Variants in AGAP1 observed in about 807,000 individuals in gnomAD.
AGAP1 encodes arf-GAP with GTPase, ANK repeat and PH domain-containing protein 1.
A neutral mutation model predicts 105.3 loss-of-function variants in AGAP1; 29 were observed. The observed-to-expected ratio is 0.28, with a 90% CI of 0.21 to 0.38. The LOEUF is 0.38. AGAP1 is among the 10% of genes least tolerant of loss of function. The pLI, the probability that AGAP1 is intolerant of heterozygous loss-of-function variation, is 1.00. For missense variants in AGAP1, 998 were observed against 1,165.1 expected, an observed-to-expected ratio of 0.86 and a Z score of 2.09; for synonymous variants, 509 against 485.9, an observed-to-expected ratio of 1.05 and a Z score of -0.63.
chr2:235,644,314 G>T (rs1947300819), intron 1 of AGAP1, among the ~76,000 whole-genome samples: 1 of 152,170 alleles, frequency 6.6e-6, no homozygotes, highest in South Asian at 2.1e-4. Context: ...TTGCCAGCGC[G>T]ATCTCTGTCC....
At chr2:235,681,330 T>A (rs1414518873) in intron 1 of AGAP1, among the ~76,000 whole-genome samples, 1 of 152,012 alleles carries the variant, frequency 6.6e-6, no homozygotes, top group Non-Finnish European at 1.5e-5. Flanking sequence ...TTTGACACAC[T>A]CTATGACCCT....
At chr2:235,715,225 A>G (rs567735267) in intron 2 of AGAP1, among the ~76,000 whole-genome samples, 2 of 152,106 alleles carry the variant, frequency 1.3e-5, no homozygotes, top group South Asian at 2.1e-4. Flanking sequence ...CTTGTCATCC[A>G]TCTATCCATC....
Position 236,078,151 on chromosome 2 carries a change from C to CGG in AGAP1, c.2114+28874_2114+28875dup, listed in dbSNP as rs202063335. Reference sequence around the variant, plus strand: ...TCTGAAGTGTGTAGGGCAGGCCAGCCGGGGGTGTGTGTGTGTGTGTGTGTA... The same window carrying CGG: ...TCTGAAGTGTGTAGGGCAGGCCAGCCGGGGGGGTGTGTGTGTGTGTGTGTGTA... On this transcript the variant is annotated intron_variant, in intron 16 of 17. Transcript: ENST00000304032. The surrounding 1 kb of genome is among the most constrained non-coding windows in gnomAD (Gnocchi z 5.3). 1.8e-3 allele frequency among the ~76,000 whole-genome samples: 259 copies of CGG among 142,370 alleles called. 1 individual carries two copies. Among genetic ancestry groups the CGG allele is most frequent in the African/African-American group, 6.7e-3 (246 of 36,862 alleles). 93.4% of individuals were successfully genotyped at this position (142,370 alleles called of 152,430 possible).
At position 235,953,544 on chromosome 2, in the gene AGAP1, T is replaced by TTGTTCTTTGTGC. The variant is rs1309485207; in HGVS notation, c.1484-14915_1484-14904dup. Among the ~76,000 whole-genome samples the TTGTTCTTTGTGC allele has an allele frequency of 6.6e-6, 1 of 152,246 alleles. No individual in the cohort carries two copies. Among genetic ancestry groups the TTGTTCTTTGTGC allele is most frequent in the Non-Finnish European group, 1.5e-5 (1 of 68,042 alleles). ...TTCAAAGACATTACTCAAATTTTGT[T>TTGTTCTTTGTGC]TGTTCTTTGTGCTGCAGTGGTCTTA... On this transcript the variant is annotated intron_variant, in intron 12 of 17. Coordinates refer to ENST00000304032, the MANE Select transcript of AGAP1 (RefSeq NM_001037131.3). This position sits in a 1 kb window ranked among gnomAD's most constrained non-coding sequence, Gnocchi z 5.2.
chr2:235,504,031 A>G (rs1452612259), intron 1 of AGAP1, among the ~76,000 whole-genome samples: 1 of 152,158 alleles, frequency 6.6e-6, no homozygotes, highest in East Asian at 1.9e-4. Context: ...ACAGGCACGC[A>G]CCACCATGCC....
In AGAP1 at chr2:236,087,380, C is replaced by T. The variant is rs568318605; in HGVS notation, c.2115-32812C>T. Reference sequence around the variant, plus strand: ...AGTCCAGGTCCCCGACAGCCCTGCTCCAAGGACAGACAACCTCGTCTTGCA... The same window carrying T: ...AGTCCAGGTCCCCGACAGCCCTGCTTCAAGGACAGACAACCTCGTCTTGCA... On this transcript the variant is annotated intron_variant, in intron 16 of 17. Transcript: ENST00000304032. The surrounding 1 kb of genome is among the most constrained non-coding windows in gnomAD (Gnocchi z 5.7). 9.9e-5 allele frequency among the ~76,000 whole-genome samples: 15 copies of T among 152,272 alleles called. No individual in the cohort carries two copies. In the East Asian group the frequency reaches 1.4e-3, roughly 14 times the overall value.
intron 1 of AGAP1, among the ~76,000 whole-genome samples, chr2:235,603,994 C>T (rs534723788): frequency 1.4e-4 from 21 of 152,162 alleles, no homozygotes; most frequent in African/African-American, 4.3e-4. Flanking sequence ...CCAGCATCCC[C>T]GAGATGAAGA....
intron 16 of AGAP1, among the ~76,000 whole-genome samples, chr2:236,094,354 T>C (rs1023511739): frequency 6.7e-6 from 1 of 150,250 alleles, no homozygotes; most frequent in African/African-American, 2.5e-5. Context: ...CCAAAAGAGC[T>C]GAGAATTTTT....
At chr2:236,021,178 A>C (rs2056871388) in intron 13 of AGAP1, among the ~76,000 whole-genome samples, 2 of 152,112 alleles carry the variant, frequency 1.3e-5, no homozygotes, top group African/African-American at 4.8e-5. Context: ...AAAAAAAAAA[A>C]AAAAAACTAA....
At chr2:235,699,620 C>A (rs1169984354) in intron 1 of AGAP1, among the ~76,000 whole-genome samples, 1 of 152,186 alleles carries the variant, frequency 6.6e-6, no homozygotes, top group Non-Finnish European at 1.5e-5. Context: ...AATTGCATTC[C>A]ATGCCCAAAG....
intron 13 of AGAP1, among the ~76,000 whole-genome samples, chr2:235,985,850 C>T (rs938249716): frequency 1.8e-4 from 27 of 152,138 alleles, no homozygotes; most frequent in African/African-American, 6.3e-4. Flanking sequence ...GGTACCAGTA[C>T]CATGCTGTTT....
rs1448214696 is a variant in AGAP1, at chr2:235,557,972, T to G, written c.163+63123T>G. Among the ~76,000 whole-genome samples the G allele has an allele frequency of 1.3e-5, 2 of 152,148 alleles. No homozygotes were observed. Among genetic ancestry groups the G allele is most frequent in the Non-Finnish European group, 2.9e-5 (2 of 68,022 alleles). On this transcript the variant is annotated intron_variant, in intron 1 of 17. Coordinates refer to ENST00000304032, the MANE Select transcript of AGAP1 (RefSeq NM_001037131.3). The surrounding 1 kb of genome is among the most constrained non-coding windows in gnomAD (Gnocchi z 4.7). ...CTCCCCTCCAGAGGCTGCCTGTTTG[T>G]AAAATAATAGGTTTAGATGAACAAA...
chr2:235,940,457 G>GT (rs1395174388), intron 12 of AGAP1, among the ~76,000 whole-genome samples: 2 of 152,126 alleles, frequency 1.3e-5, no homozygotes, highest in Admixed American at 6.5e-5. Flanking sequence ...TCTGACCCCT[G>GT]TTTTTTGACC....
rs760349873 is a variant in AGAP1, at chr2:235,609,694, G to A, written c.164-99485G>A. On this transcript the variant is annotated intron_variant, in intron 1 of 17. Transcript: ENST00000304032. This position sits in a 1 kb window ranked among gnomAD's most constrained non-coding sequence, Gnocchi z 5.1. ...TGGTAAACGTCCCTGGTTCTGTACC[G>A]GAGGAACAGGAGCTCTGGAGGTCTT... is the stretch of plus-strand genomic sequence containing the variant. Among the ~76,000 whole-genome samples the A allele has an allele frequency of 2.0e-5, 3 of 152,158 alleles. No homozygotes were observed. In the South Asian group the frequency reaches 6.2e-4, roughly 32 times the overall value.
intron 10 of AGAP1, among the ~76,000 whole-genome samples, chr2:235,885,007 C>T (rs2050204891): frequency 6.6e-6 from 1 of 152,062 alleles, no homozygotes; most frequent in African/African-American, 2.4e-5. Flanking sequence ...AGCCATGACA[C>T]CCAGCCAAGC....
intron 6 of AGAP1, among the ~76,000 whole-genome samples, chr2:235,771,997 A>ACTTTTT (rs377170250): frequency 3.0e-5 from 4 of 131,666 alleles, no homozygotes; most frequent in Non-Finnish European, 3.2e-5. Context: ...TTCTTTTCTT[A>ACTTTTT]TCTTTTTTTT....
chr2:235,952,528 G>A (rs763269524), intron 12 of AGAP1, among the ~76,000 whole-genome samples: 1 of 152,184 alleles, frequency 6.6e-6, no homozygotes, highest in Non-Finnish European at 1.5e-5. Flanking sequence ...CCCTGTGTCT[G>A]TAAGTCAGTC....
rs531839683 is a variant in AGAP1, at chr2:235,607,141, G to A, written c.164-102038G>A. Among the ~76,000 whole-genome samples the A allele has an allele frequency of 4.6e-5, 7 of 152,128 alleles. No homozygotes were observed. The South Asian group carries it at 1.5e-3, about 32-fold the overall frequency. ...GGGACGTTTCCCGGATTCGTTAAGG[G>A]GCAGAAGTGGGACCACGGTGAGTTC... On this transcript the variant is annotated intron_variant, in intron 1 of 17. Transcript: ENST00000304032.
Position 235,631,909 on chromosome 2 carries a change from C to A in AGAP1, c.164-77270C>A, listed in dbSNP as rs182561592. On this transcript the variant is annotated intron_variant, in intron 1 of 17. Coordinates refer to ENST00000304032, the MANE Select transcript of AGAP1 (RefSeq NM_001037131.3). The surrounding 1 kb of genome is among the most constrained non-coding windows in gnomAD (Gnocchi z 5.4). ...AAGGCCTGCCTTTGACCCTTCCTTT[C>A]TGCTTTTTCCATCTGTTACCTGCAT... 6.6e-6 allele frequency among the ~76,000 whole-genome samples: 1 copy of A among 152,300 alleles called. No individual in the cohort carries two copies. The highest frequency in any genetic ancestry group is 2.4e-5 in the African/African-American group (1 of 41,568).
Sources: allele counts gnomAD v4.1 joint callset (sites outside exome capture counted in the v4.1 genomes callset), GRCh38; gene constraint gnomAD v4.1.1; non-coding constraint Gnocchi (gnomAD v3.1); transcripts MANE v1.5; gene names NCBI Gene and HGNC (gene_info 2026-07-23, HGNC 2026-07-21).